MTARC2: variants seen among roughly 807,000 people sequenced by gnomAD.
MTARC2 encodes MOCO sulphurase C-terminal domain containing 2.
A neutral mutation model predicts 35.6 loss-of-function variants in MTARC2; 27 were observed. That is an observed-to-expected ratio of 0.76 (90% confidence interval 0.56 to 1.04). The LOEUF is 1.04. Ranked by LOEUF, MTARC2 falls within the 50% of genes least tolerant of loss-of-function variation. The pLI is 0.00. For missense variants in MTARC2, 412 were observed against 432.5 expected (o/e 0.95, Z 0.42); for synonymous variants, 158 against 167.1 (o/e 0.95, Z 0.42).
rs138990694 is a variant in MTARC2 at position 220,764,404 on chromosome 1, G to A, written c.750+1354G>A. 5.2e-3 allele frequency among the ~76,000 whole-genome samples: 797 copies of A among 152,210 alleles called. 6 individuals carry two copies. Among genetic ancestry groups the A allele is most frequent in the South Asian group, 0.021 (100 of 4,822 alleles). ...CACTGTGCCCGGCCCCTAATTTGTT[G>A]ATAAACATGGTTCTTTAGGATAAAC... On this transcript the variant is annotated intron_variant, in intron 4 of 7. Coordinates refer to ENST00000366913, the MANE Select transcript of MTARC2 (RefSeq NM_017898.5).
intron 2 of MTARC2, among the ~76,000 whole-genome samples, chr1:220,759,286 T>C (rs1303193197): frequency 6.6e-6 from 1 of 152,236 alleles, no homozygotes; most frequent in African/African-American, 2.4e-5. Context: ...GTTAAGAGAT[T>C]GCTTACTAAT....
chr1:220,749,210 C>T (rs898425863), intron 1 of MTARC2, among the ~76,000 whole-genome samples: 3 of 152,152 alleles, frequency 2.0e-5, no homozygotes, highest in African/African-American at 7.2e-5. Context: ...GGCCTTGTTC[C>T]TCACATTTCT....
chr1:220,755,711 C>T (rs534060667), intron 2 of MTARC2, among the ~76,000 whole-genome samples: 3 of 152,174 alleles, frequency 2.0e-5, no homozygotes, highest in Admixed American at 2.0e-4. Context: ...GTTCCTATTA[C>T]AGGCACACTT....
At chr1:220,766,828 T>A (rs1376072117) in intron 4 of MTARC2, among the ~76,000 whole-genome samples, 1 of 149,108 alleles carries the variant, frequency 6.7e-6, no homozygotes, top group Non-Finnish European at 1.5e-5. Flanking sequence ...TTCTTCTTTT[T>A]TTTTTTAAAT....
chr1:220,761,475 T>C lies in MTARC2; in HGVS notation c.447-183T>C, dbSNP rs72472387. ...ATTTGCACATACATTAGGGTTTGGG[T>C]AGCTCTTCCCCAGAGCACACTCTAC... is the stretch of plus-strand genomic sequence containing the variant. On this transcript the variant is annotated intron_variant, in intron 2 of 7. Transcript: ENST00000366913. 1.3e-3 allele frequency among the ~76,000 whole-genome samples: 205 copies of C among 152,336 alleles called. 2 individuals carry two copies. The highest frequency in any genetic ancestry group is 4.8e-3 in the African/African-American group (201 of 41,574).
chr1:220,754,467 G>T (rs182019726), intron 1 of MTARC2: 3 of 455,840 alleles, frequency 6.6e-6, no homozygotes, highest in Admixed American at 2.4e-5. Context: ...GCCTGGTTCC[G>T]CTTGGAGGCA....
chr1:220,780,969 C>T (rs1360688233), intron 6 of MTARC2, among the ~76,000 whole-genome samples: 4 of 134,380 alleles, frequency 3.0e-5, no homozygotes, highest in South Asian at 4.7e-4. Flanking sequence ...AATGAGTTGT[C>T]AGAGCTTTTT....
chr1:220,757,089 A>G (rs570882548), intron 2 of MTARC2, among the ~76,000 whole-genome samples: 1 of 152,336 alleles, frequency 6.6e-6, no homozygotes, highest in East Asian at 1.9e-4. Flanking sequence ...TTTAGTAGAA[A>G]TGGGGTTTCA....
intron 6 of MTARC2, among the ~76,000 whole-genome samples, chr1:220,780,976 T>G (rs918488052): frequency 1.3e-5 from 2 of 152,036 alleles, no homozygotes; most frequent in Admixed American, 6.6e-5. Context: ...TGTCAGAGCT[T>G]TTTTACCAAG....
intron 4 of MTARC2, among the ~76,000 whole-genome samples, chr1:220,778,247 CAAA>C (rs60336134): frequency 1.4e-4 from 14 of 97,352 alleles, no homozygotes; most frequent in East Asian, 9.1e-4. Flanking sequence ...GACTCTGTCT[CAAA>C]AAAAAAAAAA....
intron 2 of MTARC2, chr1:220,756,152 G>A (rs1671275410): frequency 6.6e-6 from 1 of 152,284 alleles, no homozygotes; most frequent in Non-Finnish European, 1.5e-5. Flanking sequence ...CTGTTGGGTT[G>A]TCAAGTTCCG....
intron 1 of MTARC2, among the ~76,000 whole-genome samples, chr1:220,753,182 C>T (rs1235426946): frequency 4.6e-5 from 7 of 151,502 alleles, no homozygotes; most frequent in South Asian, 4.2e-4. Context: ...TAGCCGAGAT[C>T]GTGCCACTGC....
chr1:220,748,777 G>T lies in MTARC2; in HGVS notation c.246G>T (p.Gly82=). 6.3e-7 allele frequency: 1 copy of T among 1,596,870 alleles called. No homozygotes were observed. Among genetic ancestry groups the T allele is most frequent in the South Asian group, 1.1e-5 (1 of 88,544 alleles). Residue 82 remains glycine, a synonymous_variant, in exon 1 of 8, where the codon GGG becomes GGT. Coordinates refer to ENST00000366913, the MANE Select transcript of MTARC2 (RefSeq NM_017898.5). The part of the protein sequence containing the change: ...PVSEAECTAM[G]LRSGNLRDRF... The stretch of plus-strand genomic sequence containing the variant: ...GCGAGGCTGAGTGCACGGCCATGGG[G>T]CTGCGCAGCGGCAACCTGCGGGACA...
chr1:220,763,504 G>A (rs1349861271), intron 4 of MTARC2, among the ~76,000 whole-genome samples: 6 of 152,178 alleles, frequency 3.9e-5, no homozygotes, highest in African/African-American at 1.4e-4. Context: ...GCTGTGGCCT[G>A]AGTTCTCTCC....
chr1:220,781,669 C>T (rs1672074567), intron 6 of MTARC2, 109 bp from the exon 7 acceptor site: 1 of 1,124,264 alleles, frequency 8.9e-7, no homozygotes, highest in Non-Finnish European at 1.3e-6. Context: ...TTAGAAAATT[C>T]TTGCTGTGTA....
chr1:220,767,435 T>C (rs921444154), intron 4 of MTARC2, among the ~76,000 whole-genome samples: 3 of 152,264 alleles, frequency 2.0e-5, no homozygotes, highest in Non-Finnish European at 4.4e-5. Flanking sequence ...TTACTGTCTG[T>C]GGCCTAAAGT....
intron 2 of MTARC2, among the ~76,000 whole-genome samples, chr1:220,757,951 T>A (rs927081426): frequency 2.0e-5 from 3 of 152,190 alleles, no homozygotes; most frequent in Admixed American, 2.0e-4. Flanking sequence ...TGAAGTGTTA[T>A]GAATTTTATA....
Position 220,748,714 on chromosome 1 carries a change from G to A in MTARC2, c.183G>A (p.Trp61Ter). Residue 61 changes from tryptophan (W) to a stop codon, truncating the protein, a stop_gained, in exon 1 of 8, where the codon TGG becomes TGA. Transcript: ENST00000366913. LOFTEE classifies it high-confidence loss of function. ...AGGTGGGCACCGTGGCGAAGCTCTG[G>A]ATCTACCCGGTGAAATCCTGCAAAG... is the stretch of plus-strand genomic sequence containing the variant. ...LQQVGTVAKL[W>*]IYPVKSCKGV... 1 of 1,598,472 alleles carries A rather than the reference G, an allele frequency of 6.3e-7. No homozygotes were observed. Among genetic ancestry groups the A allele is most frequent in the Non-Finnish European group, 8.5e-7 (1 of 1,172,902 alleles).
Position 220,762,932 on chromosome 1 carries a change from C to A in MTARC2, c.632C>A (p.Pro211Gln), listed in dbSNP as rs757887186. Residue 211 changes from proline to glutamine, a missense_variant, in exon 4 of 8, where the codon CCG becomes CAG. Coordinates refer to ENST00000366913, the MANE Select transcript of MTARC2 (RefSeq NM_017898.5). Reference sequence around the variant, plus strand: ...AAGGTGGCCTACCCAGACTACTGCCCGCTCCTGATCATGACAGATGCCTCC... The same window carrying A: ...AAGGTGGCCTACCCAGACTACTGCCAGCTCCTGATCATGACAGATGCCTCC... ...NFQVAYPDYC[P>Q]LLIMTDASLV... 1 of 1,614,128 alleles carries A rather than the reference C, an allele frequency of 6.2e-7. No homozygotes were observed. The highest frequency in any genetic ancestry group is 1.7e-5 in the Admixed American group (1 of 60,018).
Sources: gnomAD v4.1 joint callset for allele counts (sites outside exome capture counted in the v4.1 genomes callset) on GRCh38, gnomAD v4.1.1 for gene constraint, MANE v1.5 for transcripts, NCBI Gene and HGNC (gene_info 2026-07-23, HGNC 2026-07-21) for gene names.